Variants in ANGPT1 observed in about 807,000 individuals in gnomAD.
The protein encoded by ANGPT1 is angiopoietin 1.
In ANGPT1, 17 loss-of-function variants were observed where a neutral mutation model predicts 62.2. The ratio of observed to expected loss-of-function variants is 0.27; its 90% CI spans 0.19 to 0.41. ANGPT1 has a LOEUF of 0.41. ANGPT1 is among the 10% of genes least tolerant of loss of function. ANGPT1 has a pLI of 1.00. For synonymous variants in ANGPT1, 199 were observed against 198.9 expected (o/e 1.00, Z 0.00); for missense variants, 478 against 594.9 (o/e 0.80, Z 2.04).
At chr8:107,328,760 G>A (rs1815349423) in intron 3 of ANGPT1, among the ~76,000 whole-genome samples, 2 of 152,068 alleles carry the variant, frequency 1.3e-5, no homozygotes, top group South Asian at 2.1e-4. Flanking sequence ...TGAAGAAGCC[G>A]AGATTAATTA....
At chr8:107,273,783 A>AT (rs201373120) in intron 7 of ANGPT1, among the ~76,000 whole-genome samples, 14 of 150,704 alleles carry the variant, frequency 9.3e-5, no homozygotes, top group East Asian at 5.9e-4. Flanking sequence ...ATTGACCACT[A>AT]TTTTTTTTTA....
At chr8:107,297,452 T>A (rs991087662) in intron 5 of ANGPT1, among the ~76,000 whole-genome samples, 13 of 151,890 alleles carry the variant, frequency 8.6e-5, no homozygotes, top group Non-Finnish European at 1.9e-4. Context: ...GCATTGACAC[T>A]ACTCCCATCT....
At chr8:107,275,656 CTG>C (rs1359166267) in intron 7 of ANGPT1, among the ~76,000 whole-genome samples, 2 of 152,148 alleles carry the variant, frequency 1.3e-5, no homozygotes, top group Non-Finnish European at 2.9e-5. Context: ...GTATACATGA[CTG>C]TACTGAAATC....
intron 1 of ANGPT1, among the ~76,000 whole-genome samples, chr8:107,478,250 CAA>C (rs546300255): frequency 2.1e-5 from 3 of 140,456 alleles, no homozygotes. Context: ...TATACCTATT[CAA>C]AAAAAAAAAA....
At chr8:107,412,560 TAA>T (rs913164543) in intron 1 of ANGPT1, among the ~76,000 whole-genome samples, 24 of 152,254 alleles carry the variant, frequency 1.6e-4, no homozygotes, top group Admixed American at 1.1e-3. Context: ...AGAAATTAGT[TAA>T]GTCATCACAG....
chr8:107,349,122 T>TTAGGTAGATAGATAGA (rs1815874684), intron 1 of ANGPT1, among the ~76,000 whole-genome samples: 1 of 143,802 alleles, frequency 7.0e-6, no homozygotes, highest in African/African-American at 2.6e-5. Flanking sequence ...GATAAGGAGA[T>TTAGGTAGATAGATAGA]TAGATAGATA....
chr8:107,487,510 C>G (rs564462848), intron 1 of ANGPT1, among the ~76,000 whole-genome samples: 1 of 151,728 alleles, frequency 6.6e-6, no homozygotes. Context: ...AGCCTTCACA[C>G]CATCAGTATA....
chr8:107,365,890 C>CACAT (rs71308725), intron 1 of ANGPT1, among the ~76,000 whole-genome samples: 6 of 149,030 alleles, frequency 4.0e-5, no homozygotes, highest in Admixed American at 2.7e-4. Context: ...CACACACACA[C>CACAT]GATTTTGCCT....
At chr8:107,268,161 A>G (rs1813657273) in intron 7 of ANGPT1, among the ~76,000 whole-genome samples, 1 of 152,124 alleles carries the variant, frequency 6.6e-6, no homozygotes, top group Admixed American at 6.6e-5. Context: ...TCTGAGATAG[A>G]GAAAGGCCTC....
intron 4 of ANGPT1, among the ~76,000 whole-genome samples, chr8:107,310,847 A>G (rs1814832745): frequency 6.6e-6 from 1 of 152,108 alleles, no homozygotes; most frequent in Non-Finnish European, 1.5e-5. Flanking sequence ...CAGCCTACGG[A>G]CTATTTGCTA....
intron 1 of ANGPT1, among the ~76,000 whole-genome samples, chr8:107,379,139 T>G (rs1816587428): frequency 6.6e-6 from 1 of 152,104 alleles, no homozygotes; most frequent in Admixed American, 6.6e-5. Flanking sequence ...ATATATTTTT[T>G]CATGAAAACT....
At chr8:107,454,827 G>T (rs1397223648) in intron 1 of ANGPT1, among the ~76,000 whole-genome samples, 1 of 151,964 alleles carries the variant, frequency 6.6e-6, no homozygotes, top group Admixed American at 6.6e-5. Context: ...AGTGTTAAAG[G>T]GGTCTGTAAA....
intron 1 of ANGPT1, among the ~76,000 whole-genome samples, chr8:107,415,819 C>T (rs1458478605): frequency 6.6e-6 from 1 of 152,104 alleles, no homozygotes; most frequent in East Asian, 1.9e-4. Flanking sequence ...CAACCTTTCC[C>T]TATATCCAGT....
chr8:107,370,328 AG>A (rs1816365527), intron 1 of ANGPT1, among the ~76,000 whole-genome samples: 1 of 47,438 alleles, frequency 2.1e-5, no homozygotes, highest in African/African-American at 5.3e-5. Context: ...GGAAAGAGAA[AG>A]GAAAGAAAGA....
At chr8:107,278,655 T>C (rs1423954649) in intron 7 of ANGPT1, among the ~76,000 whole-genome samples, 1 of 152,164 alleles carries the variant, frequency 6.6e-6, no homozygotes, top group Non-Finnish European at 1.5e-5. Context: ...TCATCAGATA[T>C]GGTGAAGTCC....
chr8:107,257,944 CTCTT>C (rs1338021789), intron 8 of ANGPT1, among the ~76,000 whole-genome samples: 11 of 142,718 alleles, frequency 7.7e-5, no homozygotes, highest in African/African-American at 2.6e-4. Flanking sequence ...CTCTCTCTCT[CTCTT>C]TCTTTCTTTC....
intron 1 of ANGPT1, among the ~76,000 whole-genome samples, chr8:107,489,288 C>T (rs1410086987): frequency 6.6e-6 from 1 of 152,108 alleles, no homozygotes; most frequent in Non-Finnish European, 1.5e-5. Flanking sequence ...ACTTCAGACA[C>T]ACCTCAATGC....
intron 7 of ANGPT1, among the ~76,000 whole-genome samples, chr8:107,277,124 C>T (rs763310764): frequency 6.6e-6 from 1 of 152,112 alleles, no homozygotes; most frequent in Non-Finnish European, 1.5e-5. Context: ...CATTATCATT[C>T]GGACTTAACT....
chr8:107,330,396 T>G (rs1815392966), intron 3 of ANGPT1, among the ~76,000 whole-genome samples: 1 of 152,210 alleles, frequency 6.6e-6, no homozygotes, highest in Non-Finnish European at 1.5e-5. Flanking sequence ...TCAGAGCTCA[T>G]GCTCTTAACT....
Sources: allele counts gnomAD v4.1 joint callset (sites outside exome capture counted in the v4.1 genomes callset), GRCh38; gene constraint gnomAD v4.1.1; transcripts MANE v1.5; gene names NCBI Gene and HGNC (gene_info 2026-07-23, HGNC 2026-07-21).